Variants in DAB1 observed in about 807,000 individuals in gnomAD.
The protein encoded by DAB1 is DAB adaptor protein 1.
DAB1 carries 15 observed loss-of-function variants against 64.6 expected under a neutral mutation model. The observed-to-expected ratio is 0.23, with a 90% CI of 0.16 to 0.36. The LOEUF is 0.36. Ranked by LOEUF, DAB1 falls within the 10% of genes least tolerant of loss-of-function variation. DAB1 has a pLI of 1.00. For synonymous variants in DAB1, 235 were observed against 251.9 expected, an observed-to-expected ratio of 0.93 and a Z score of 0.64; for missense variants, 596 against 706.7, an observed-to-expected ratio of 0.84 and a Z score of 1.78.
At chr1:58,313,203 G>A (rs561693293) in intron 4 of DAB1, among the ~76,000 whole-genome samples, 25 of 152,194 alleles carry the variant, frequency 1.6e-4, no homozygotes, top group Admixed American at 7.9e-4. Flanking sequence ...TGGAGCTTCT[G>A]TATTACTCAT....
intron 4 of DAB1, among the ~76,000 whole-genome samples, chr1:58,172,489 C>T (rs1350924976): frequency 2.0e-5 from 3 of 152,218 alleles, no homozygotes; most frequent in African/African-American, 4.8e-5. Context: ...TACTTAGATA[C>T]TAGGTGCTAC....
At chr1:57,576,833 A>T (rs142457132) in intron 7 of DAB1, among the ~76,000 whole-genome samples, 1 of 152,162 alleles carries the variant, frequency 6.6e-6, no homozygotes, top group East Asian at 1.9e-4. Context: ...AGACACTAAG[A>T]CTTGGGGCTT....
chr1:58,446,234 T>G (rs1645065137), intron 3 of DAB1, among the ~76,000 whole-genome samples: 1 of 152,224 alleles, frequency 6.6e-6, no homozygotes, highest in African/African-American at 2.4e-5. Context: ...GCCAAATCTG[T>G]GTTCGTTGCT....
At chr1:58,438,560 C>T (rs1232134205) in intron 3 of DAB1, among the ~76,000 whole-genome samples, 4 of 152,186 alleles carry the variant, frequency 2.6e-5, no homozygotes, top group Non-Finnish European at 4.4e-5. Flanking sequence ...CCTGCCCTCA[C>T]GTTCTGGGAT....
intron 5 of DAB1, among the ~76,000 whole-genome samples, chr1:58,144,314 C>G (rs1557669735): frequency 6.6e-6 from 1 of 152,172 alleles, no homozygotes; most frequent in Non-Finnish European, 1.5e-5. Flanking sequence ...ATTTTAAAAA[C>G]TGACTTGGCA....
intron 5 of DAB1, among the ~76,000 whole-genome samples, chr1:58,059,796 A>G (rs1648376456): frequency 1.3e-5 from 2 of 152,224 alleles, no homozygotes; most frequent in African/African-American, 4.8e-5. Flanking sequence ...TTCATTTCAC[A>G]AGAAGTCACA....
chr1:57,400,006 T>C (rs1156255481), intron 1 of DAB1, among the ~76,000 whole-genome samples: 4 of 152,206 alleles, frequency 2.6e-5, no homozygotes, highest in African/African-American at 7.2e-5. Context: ...TGGCCACCTA[T>C]GCCCAGCACT....
chr1:58,045,792 T>C (rs1236580550), intron 5 of DAB1, among the ~76,000 whole-genome samples: 1 of 134,604 alleles, frequency 7.4e-6, no homozygotes, highest in Non-Finnish European at 1.7e-5. Flanking sequence ...TTTCCCTTTT[T>C]CCCCTTTGTT....
chr1:58,300,612 G>A (rs1333504181), intron 4 of DAB1, among the ~76,000 whole-genome samples: 1 of 44,552 alleles, frequency 2.2e-5, no homozygotes, highest in African/African-American at 7.4e-5. Flanking sequence ...AAGAAAGAAA[G>A]AGAGAGAGAG....
intron 2 of DAB1, among the ~76,000 whole-genome samples, chr1:57,262,185 C>A (rs536378786): frequency 1.3e-5 from 2 of 152,326 alleles, no homozygotes; most frequent in African/African-American, 2.4e-5. Flanking sequence ...GAACCACTCT[C>A]GTCATTTCGC....
At chr1:58,148,878 A>C (rs888739258) in intron 5 of DAB1, among the ~76,000 whole-genome samples, 2 of 152,166 alleles carry the variant, frequency 1.3e-5, no homozygotes, top group African/African-American at 4.8e-5. Context: ...GGGTGGGCAC[A>C]CAGCCAAACC....
chr1:57,141,792 C>G (rs1239717622), intron 3 of DAB1, among the ~76,000 whole-genome samples: 1 of 152,198 alleles, frequency 6.6e-6, no homozygotes, highest in Non-Finnish European at 1.5e-5. Context: ...CATGATGTGA[C>G]TACTGGGTAG....
intron 4 of DAB1, among the ~76,000 whole-genome samples, chr1:58,226,617 C>A (rs1307681653): frequency 1.3e-5 from 2 of 152,314 alleles, no homozygotes; most frequent in Admixed American, 6.5e-5. Flanking sequence ...AGAAAAATAT[C>A]ATCCACCTCC....
In DAB1 at chr1:57,267,971, T is replaced by C. The variant is rs573851172; in HGVS notation, c.67+22993A>G. Among the ~76,000 whole-genome samples the C allele has an allele frequency of 6.6e-5, 10 of 152,314 alleles. No homozygotes were observed. The South Asian group carries it at 2.1e-3, about 32-fold the overall frequency. ...CATTCCAACTCCCCACAGGGTTTAT[T>C]AAATCATTTATAATTCCAAGAAGCT... On this transcript the variant is annotated intron_variant, in intron 2 of 14. Transcript: ENST00000371236.
At chr1:57,086,926 T>C (rs1265623666) in intron 4 of DAB1, among the ~76,000 whole-genome samples, 1 of 152,154 alleles carries the variant, frequency 6.6e-6, no homozygotes, top group Non-Finnish European at 1.5e-5. Context: ...CTCCACTGTA[T>C]TATTACCTTG....
chr1:57,188,550 C>T lies in DAB1; in HGVS notation c.68-43121G>A, dbSNP rs113089038. 2.1e-3 allele frequency among the ~76,000 whole-genome samples: 326 copies of T among 152,276 alleles called. 5 individuals are homozygous for T. The highest frequency in any genetic ancestry group is 7.1e-3 in the African/African-American group (296 of 41,572). ...AAGAGCTGTCACTGGGATATTCTCA[C>T]ATCTCATTTATCTGTTACTGTCATC... On this transcript the variant is annotated intron_variant, in intron 2 of 14. Transcript: ENST00000371236.
intron 5 of DAB1, among the ~76,000 whole-genome samples, chr1:58,028,183 TAA>T (rs1381473900): frequency 2.0e-5 from 3 of 150,568 alleles, no homozygotes; most frequent in South Asian, 2.1e-4. Flanking sequence ...CTATGTTCTA[TAA>T]AGTTTCACAA....
At chr1:57,819,031 C>A (rs1187578747) in intron 6 of DAB1, among the ~76,000 whole-genome samples, 1 of 152,132 alleles carries the variant, frequency 6.6e-6, no homozygotes, top group Non-Finnish European at 1.5e-5. Context: ...TTACTATATT[C>A]TCTTACCCTC....
chr1:57,344,077 T>G (rs1469266119), intron 1 of DAB1, among the ~76,000 whole-genome samples: 3 of 152,254 alleles, frequency 2.0e-5, no homozygotes, highest in Non-Finnish European at 2.9e-5. Flanking sequence ...TTGAAAATAT[T>G]ATCCCCATTT....
Sources: allele counts gnomAD v4.1 joint callset (sites outside exome capture counted in the v4.1 genomes callset), GRCh38; gene constraint gnomAD v4.1.1; transcripts MANE v1.5; gene names NCBI Gene and HGNC (gene_info 2026-07-23, HGNC 2026-07-21).